Variants in CRAMP1 observed in about 807,000 individuals in gnomAD.
The protein encoded by CRAMP1 is cramped chromatin regulator 1.
In CRAMP1, 50 loss-of-function variants were observed where a neutral mutation model predicts 115.4. That is an observed-to-expected ratio of 0.43 (90% CI 0.35 to 0.55). The LOEUF is 0.55. Ranked by LOEUF, CRAMP1 falls within the 20% of genes least tolerant of loss-of-function variation. CRAMP1 has a pLI of 0.01. For synonymous variants in CRAMP1, 866 were observed against 745.4 expected (o/e 1.16, Z -2.64); for missense variants, 1,679 against 1,721.7 (o/e 0.98, Z 0.44).
At chr16:1,620,767 A>T (rs1457808371) in intron 2 of CRAMP1, 2 of 448,732 alleles carry the variant, frequency 4.5e-6, no homozygotes, top group East Asian at 1.4e-4. Context: ...CACGACCCTG[A>T]TCCTCCAGCT....
Position 1,671,910 on chromosome 16 carries a change from G to T in CRAMP1, c.3645+1101G>T, listed in dbSNP as rs1277836074. ...TATACACATAGACACAATTAATAGC[G>T]TAGACCTCCATCTCACAGTGTGTGG... On this transcript the variant is annotated intron_variant, in intron 20 of 20. Coordinates refer to ENST00000397412, the MANE Select transcript of CRAMP1 (RefSeq NM_020825.4). The surrounding 1 kb of genome is among the most constrained non-coding windows in gnomAD (Gnocchi z 5.0). Among the ~76,000 whole-genome samples, 2 of 152,178 alleles carry T rather than the reference G, an allele frequency of 1.3e-5. No homozygotes were observed. The highest frequency in any genetic ancestry group is 1.3e-4 in the Admixed American group (2 of 15,282).
chr16:1,662,183 CTCT>C lies in CRAMP1; in HGVS notation c.2414-303_2414-301del, dbSNP rs1341949821. ...TGGTCTCCCCTGGAGACACTGAAGG[CTCT>C]TCTAGCCCTGGAACATCTTTGGTGT... On this transcript the variant is annotated intron_variant, in intron 11 of 20. Transcript: ENST00000397412. 2.0e-5 allele frequency among the ~76,000 whole-genome samples: 3 copies of C among 152,204 alleles called. No homozygotes were observed. In the East Asian group the frequency reaches 5.8e-4, roughly 29 times the overall value.
At chr16:1,613,614 G>A (rs529072096) in intron 1 of CRAMP1, among the ~76,000 whole-genome samples, 76 of 152,244 alleles carry the variant, frequency 5.0e-4, no homozygotes, top group Admixed American at 2.5e-3. Flanking sequence ...TTTTTGAGTG[G>A]CTCTGCTTTC....
chr16:1,652,471 C>G (rs1329416231), intron 6 of CRAMP1, 25 bp from the exon 7 acceptor site: 5 of 1,544,134 alleles, frequency 3.2e-6, no homozygotes, highest in Non-Finnish European at 3.5e-6. Context: ...CAGGCCTCAG[C>G]GTTCCTTCAA....
chr16:1,615,043 G>C, intron 2 of CRAMP1, 58 bp downstream of exon 2: 1 of 1,051,790 alleles, frequency 9.5e-7, no homozygotes, highest in Non-Finnish European at 1.2e-6. Flanking sequence ...TGCCGCGGGG[G>C]AGAGGAACCC....
At position 1,669,035 on chromosome 16, in the gene CRAMP1, T is replaced by C. The variant is rs1297015150; in HGVS notation, c.3369T>C (p.Asn1123=). 1 of 1,613,408 alleles carries C rather than the reference T, an allele frequency of 6.2e-7. No homozygotes were observed. The highest frequency in any genetic ancestry group is 8.5e-7 in the Non-Finnish European group (1 of 1,179,654). Residue 1123 remains asparagine, a synonymous_variant, in exon 19 of 21, where the codon AAT becomes AAC. Transcript: ENST00000397412. The surrounding 1 kb of genome is among the most constrained non-coding windows in gnomAD (Gnocchi z 4.6). The part of the protein sequence containing the change: ...EGVPLSPAKL[N]GSDSSKSLPS... ...TCCCTCTTTCTCCAGCAAAACTGAA[T>C]GGCAGTGACAGTTCCAAGAGCCTTC...
chr16:1,665,911 C>CT, intron 14 of CRAMP1, 162 bp from the exon 15 acceptor site: 1 of 607,976 alleles, frequency 1.6e-6, no homozygotes, highest in Non-Finnish European at 3.0e-6. Flanking sequence ...TGTGTGACCT[C>CT]TGACTCCTCA....
At chr16:1,640,963 T>C (rs527756996) in intron 5 of CRAMP1, among the ~76,000 whole-genome samples, 176 bp from the exon 6 acceptor site, 2 of 152,260 alleles carry the variant, frequency 1.3e-5, no homozygotes, top group South Asian at 4.2e-4. Context: ...GGCAGCTGAC[T>C]CGAAGGTGTG....
intron 5 of CRAMP1, among the ~76,000 whole-genome samples, chr16:1,638,462 C>T (rs142619486): frequency 2.6e-5 from 4 of 152,352 alleles, no homozygotes; most frequent in South Asian, 2.1e-4. Flanking sequence ...CATTGCAACG[C>T]GCTCAGGCCT....
intron 5 of CRAMP1, among the ~76,000 whole-genome samples, chr16:1,638,170 C>G (rs1025617215): frequency 1.1e-4 from 17 of 152,184 alleles, no homozygotes; most frequent in African/African-American, 3.9e-4. Context: ...GCATTCCACT[C>G]GACTGTAAGA....
Position 1,673,938 on chromosome 16 carries a change from C to T in CRAMP1, c.3703C>T (p.Arg1235Trp), listed in dbSNP as rs770753472. Residue 1235 changes from arginine (R) to tryptophan (W), a missense_variant, in exon 21 of 21, where the codon CGG (arginine) becomes TGG (tryptophan). Arg to Trp is a moderately radical substitution (Grantham distance 101). Coordinates refer to ENST00000397412, the MANE Select transcript of CRAMP1 (RefSeq NM_020825.4). ...MNENSIDYIS[R>W]FNDLAQELSI... ...CGAAAACAGCATTGATTACATTTCT[C>T]GGTTCAATGACCTGGCCCAAGAGCT... 1.6e-5 allele frequency: 26 copies of T among 1,613,636 alleles called. No individual in the cohort carries two copies. The highest frequency in any genetic ancestry group is 1.3e-4 in the East Asian group (6 of 44,892).
intron 6 of CRAMP1, 111 bp from the exon 7 acceptor site, chr16:1,652,385 G>T: frequency 1.1e-6 from 1 of 870,302 alleles, no homozygotes; most frequent in Admixed American, 2.8e-5. Flanking sequence ...GGCTGGGGTG[G>T]ATGCTTGGCC....
chr16:1,657,031 G>A lies in CRAMP1; in HGVS notation c.2235+39G>A, dbSNP rs114460846. 1.1e-3 allele frequency: 1,654 copies of A among 1,459,442 alleles called. 12 individuals carry two copies. The African/African-American group carries it at 0.021, about 18-fold the overall frequency. The allele number at this position is 1,459,442 out of a possible 1,614,324, so 90.4% of individuals were successfully genotyped here. On this transcript the variant is annotated intron_variant, in intron 10 of 20. Coordinates refer to ENST00000397412, the MANE Select transcript of CRAMP1 (RefSeq NM_020825.4). ...AGCCCAGCCCCTCTGGCGGCCCAAG[G>A]GAAGCCAGGCCCAGCCTTGGAGGGC...
At chr16:1,639,900 C>G (rs868193713) in intron 5 of CRAMP1, among the ~76,000 whole-genome samples, 1 of 152,210 alleles carries the variant, frequency 6.6e-6, no homozygotes, top group African/African-American at 2.4e-5. Context: ...CCCTATTCTC[C>G]TGCCTCATGA....
intron 13 of CRAMP1, among the ~76,000 whole-genome samples, chr16:1,663,736 C>T (rs2036851710): frequency 6.6e-6 from 1 of 152,182 alleles, no homozygotes; most frequent in Non-Finnish European, 1.5e-5. Flanking sequence ...GTTGCCTTCT[C>T]CCGCCAGCCC....
chr16:1,646,872 G>A (rs975279826), intron 6 of CRAMP1, among the ~76,000 whole-genome samples: 1 of 152,188 alleles, frequency 6.6e-6, no homozygotes. Context: ...TTTTGTCTGT[G>A]GGTGTCAAGC....
chr16:1,640,325 G>T (rs1442990752), intron 5 of CRAMP1, among the ~76,000 whole-genome samples: 1 of 152,182 alleles, frequency 6.6e-6, no homozygotes, highest in African/African-American at 2.4e-5. Context: ...ACCGTTGTCT[G>T]CTGCCTCTTG....
At chr16:1,657,087 TG>T in intron 10 of CRAMP1, 95 bp downstream of exon 10, 1 of 1,168,386 alleles carries the variant, frequency 8.6e-7, no homozygotes, top group Non-Finnish European at 1.2e-6. Flanking sequence ...CCAGCACGGT[TG>T]GGGTCCAGAT....
chr16:1,632,289 G>A lies in CRAMP1; in HGVS notation c.618G>A (p.Val206=). The change falls in exon 4 of 21, where the codon GTG becomes GTA. Residue 206 remains valine, a synonymous_variant. Coordinates refer to ENST00000397412, the MANE Select transcript of CRAMP1 (RefSeq NM_020825.4). ...YKKKGKPASM[V]KNKEQVRHFY... ...AGAAAGGCAAGCCAGCAAGCATGGT[G>A]AAGAACAAGGAGCAGGTCCGCCACT... The A allele has an allele frequency of 6.3e-7, 1 of 1,599,412 alleles. No homozygotes were observed.
Sources: allele counts gnomAD v4.1 joint callset (sites outside exome capture counted in the v4.1 genomes callset), GRCh38; gene constraint gnomAD v4.1.1; non-coding constraint Gnocchi (gnomAD v3.1); transcripts MANE v1.5; gene names NCBI Gene and HGNC (gene_info 2026-07-23, HGNC 2026-07-21).